The following CFAP46 variants were observed in gnomAD, a reference collection of about 807,000 sequenced individuals.
CFAP46 encodes the protein cilia and flagella associated protein 46.
A neutral mutation model predicts 325.7 loss-of-function variants in CFAP46; 245 were observed. The ratio of observed to expected loss-of-function variants is 0.75; its 90% confidence interval spans 0.68 to 0.84. The LOEUF (loss-of-function observed/expected upper bound fraction) is 0.84, where lower values mean the gene tolerates loss of function less well. Ranked by LOEUF, CFAP46 falls within the 40% of genes least tolerant of loss-of-function variation. The probability of loss-of-function intolerance (pLI) is 0.00; values close to 1 mark genes in which losing one functional copy is unlikely to be tolerated. For missense variants in CFAP46, 3,346 were observed against 3,543.0 expected (o/e 0.94, Z 1.41); for synonymous variants, 1,523 against 1,495.9 (o/e 1.02, Z -0.42).
intron 50 of CFAP46, among the ~76,000 whole-genome samples, chr10:132,824,329 GT>G (rs1847981696): frequency 7.4e-6 from 1 of 135,706 alleles, no homozygotes; most frequent in African/African-American, 2.8e-5. Flanking sequence ...GATGTGTGCT[GT>G]GTGTGTGCTG....
chr10:132,885,081 AC>A (rs1438362845), intron 27 of CFAP46, 21 bp downstream of exon 27: 2 of 1,532,244 alleles, frequency 1.3e-6, no homozygotes, highest in Admixed American at 4.0e-5. Context: ...TACCACGTGC[AC>A]CCACGCTTAC....
At chr10:132,879,251 C>T (rs976703047) in intron 29 of CFAP46, among the ~76,000 whole-genome samples, 175 bp downstream of exon 29, 39 of 152,162 alleles carry the variant, frequency 2.6e-4, no homozygotes, top group Admixed American at 2.5e-3. Flanking sequence ...CTGATGGGAA[C>T]CATTCAGGAG....
intron 17 of CFAP46, among the ~76,000 whole-genome samples, chr10:132,913,585 G>A (rs535846410): frequency 1.3e-5 from 2 of 152,130 alleles, no homozygotes; most frequent in African/African-American, 4.8e-5. Flanking sequence ...GTTTCATCCC[G>A]CGACCAGCCT....
intron 37 of CFAP46, 21 bp from the exon 38 acceptor site, chr10:132,859,268 G>A (rs1224461428): frequency 2.6e-6 from 4 of 1,539,966 alleles, no homozygotes; most frequent in Non-Finnish European, 3.5e-6. Context: ...GACGGTTTGG[G>A]GCCTGGAGTC....
Position 132,942,554 on chromosome 10 carries a change from GTT to G in CFAP46, c.-72_-71del, listed in dbSNP as rs1484093176. On this transcript the variant is annotated 5_prime_UTR_variant, in exon 1 of 58. Transcript: ENST00000368586. Reference sequence around the variant, plus strand: ...CGTCCTGCCGCCCACTGTCGGTTGGGTTCTCCAGCCGCGAGGACCCGGCCACG... The same window carrying G: ...CGTCCTGCCGCCCACTGTCGGTTGGGCTCCAGCCGCGAGGACCCGGCCACG... 1.7e-6 allele frequency: 2 copies of G among 1,210,498 alleles called. No homozygotes were observed. Among genetic ancestry groups the G allele is most frequent in the Non-Finnish European group, 2.1e-6 (2 of 963,760 alleles). 75.0% of individuals were successfully genotyped at this position (1,210,498 alleles called of 1,614,324 possible).
chr10:132,876,412 A>G lies in CFAP46; in HGVS notation c.4362+400T>C, dbSNP rs1210333339. On this transcript the variant is annotated intron_variant, in intron 31 of 57. Transcript: ENST00000368586. The surrounding 1 kb of genome is among the most constrained non-coding windows in gnomAD (Gnocchi z 4.1). Reference sequence around the variant, plus strand: ...CAGAGGCTGACCGGGATGAGGAAAGAGGGATCTTCCCCGGCCCCTTTGGAG... The same window carrying G: ...CAGAGGCTGACCGGGATGAGGAAAGGGGGATCTTCCCCGGCCCCTTTGGAG... 6.6e-6 allele frequency among the ~76,000 whole-genome samples: 1 copy of G among 152,196 alleles called. No individual in the cohort carries two copies. Among genetic ancestry groups the G allele is most frequent in the East Asian group, 1.9e-4 (1 of 5,194 alleles).
intron 50 of CFAP46, among the ~76,000 whole-genome samples, chr10:132,823,823 G>T (rs1403432610): frequency 7.0e-6 from 1 of 141,938 alleles, no homozygotes; most frequent in African/African-American, 2.6e-5. Context: ...CTGTGTGAGT[G>T]CTGATGTGTG....
intron 32 of CFAP46, among the ~76,000 whole-genome samples, chr10:132,870,182 C>T (rs545194091): frequency 2.6e-5 from 4 of 152,246 alleles, no homozygotes; most frequent in Admixed American, 6.5e-5. Flanking sequence ...CCATATGAGA[C>T]GGTGAACTGA....
In CFAP46 at chr10:132,856,929, G is replaced by A. The variant is rs140765569; in HGVS notation, c.5574+661C>T. Among the ~76,000 whole-genome samples, 27 of 152,288 alleles carry A rather than the reference G, an allele frequency of 1.8e-4. No individual in the cohort carries two copies. The East Asian group carries it at 5.2e-3, about 29-fold the overall frequency. On this transcript the variant is annotated intron_variant, in intron 39 of 57. Coordinates refer to ENST00000368586, the MANE Select transcript of CFAP46 (RefSeq NM_001200049.3). ...TTCCGGGACAGTTATCTTCTCAAAG[G>A]AAATAGCTGGGTCCTTTCAGGTCTG...
chr10:132,910,916 T>C (rs190094492), intron 19 of CFAP46, among the ~76,000 whole-genome samples: 7 of 152,342 alleles, frequency 4.6e-5, no homozygotes, highest in African/African-American at 1.7e-4. Flanking sequence ...GTTGTGCACA[T>C]GCCCAGTCCA....
rs1849223484 is a variant in CFAP46, at chr10:132,889,329, G to C, written c.3304+3004C>G. On this transcript the variant is annotated intron_variant, in intron 25 of 57. Transcript: ENST00000368586. This position sits in a 1 kb window ranked among gnomAD's most constrained non-coding sequence, Gnocchi z 6.0. ...GCCGACCGGCTGGGTCTAGGGAGCA[G>C]AGGTGCCCATGGCTGGAAGGAAGGC... 6.6e-6 allele frequency among the ~76,000 whole-genome samples: 1 copy of C among 152,220 alleles called. No homozygotes were observed. The highest frequency in any genetic ancestry group is 1.9e-4 in the East Asian group (1 of 5,182).
chr10:132,867,952 C>T (rs1057338696), intron 33 of CFAP46, among the ~76,000 whole-genome samples: 2 of 152,216 alleles, frequency 1.3e-5, no homozygotes, highest in African/African-American at 4.8e-5. Context: ...GGCCACGGCC[C>T]CCGGCTGTCC....
At position 132,929,796 on chromosome 10, in the gene CFAP46, A is replaced by G. The variant is rs747809421; in HGVS notation, c.875T>C (p.Leu292Ser). The G allele has an allele frequency of 6.2e-7, 1 of 1,607,968 alleles. No homozygotes were observed. The highest frequency in any genetic ancestry group is 2.2e-5 in the East Asian group (1 of 44,724). The part of the protein sequence containing the change: ...FPSISEEKML[L>S]LFELARFSLT... ...GGAAAAACGCGCCAATTCAAAAAGCAAAAGCATTCTGCAAACAAACAAACC... is the reference window on the plus strand; with the variant it reads ...GGAAAAACGCGCCAATTCAAAAAGCGAAAGCATTCTGCAAACAAACAAACC... The change falls in exon 9 of 58, where the codon TTG becomes TCG. Residue 292 changes from leucine to serine, a missense_variant. By Grantham distance (145) the Leu-to-Ser change is moderately radical. Coordinates refer to ENST00000368586, the MANE Select transcript of CFAP46 (RefSeq NM_001200049.3).
chr10:132,817,901 C>A lies in CFAP46; in HGVS notation c.7118-2987G>T, dbSNP rs936607591. ...CGGCCGCGCTCTGCCTGGAGGCTCC[C>A]GGGGAGAATCCTCTCCTGGCTCCTG... On this transcript the variant is annotated intron_variant, in intron 50 of 57. Transcript: ENST00000368586. The surrounding 1 kb of genome is among the most constrained non-coding windows in gnomAD (Gnocchi z 4.4). Among the ~76,000 whole-genome samples, 1 of 152,236 alleles carries A rather than the reference C, an allele frequency of 6.6e-6. No homozygotes were observed. The highest frequency in any genetic ancestry group is 1.9e-4 in the East Asian group (1 of 5,196).
chr10:132,903,997 T>C (rs1420943887), intron 22 of CFAP46, among the ~76,000 whole-genome samples: 1 of 152,260 alleles, frequency 6.6e-6, no homozygotes, highest in East Asian at 1.9e-4. Flanking sequence ...TATGAACTCA[T>C]TCGTAACTGC....
chr10:132,941,448 T>C (rs935116295), intron 3 of CFAP46, 143 bp downstream of exon 3: 9 of 1,133,158 alleles, frequency 7.9e-6, no homozygotes, highest in Non-Finnish European at 1.1e-5. Flanking sequence ...CAGGAAATGG[T>C]GCAAGTTTCG....
Position 132,919,243 on chromosome 10 carries a change from AC to A in CFAP46, c.1858+71del. ...GGCCCCATGGGTTGTCATTGCACGAACCACAACCCTTCCCACACCCAGAGGG... is the reference window on the plus strand; with the variant it reads ...GGCCCCATGGGTTGTCATTGCACGAACACAACCCTTCCCACACCCAGAGGG... On this transcript the variant is annotated intron_variant, in intron 15 of 57. Coordinates refer to ENST00000368586, the MANE Select transcript of CFAP46 (RefSeq NM_001200049.3). The surrounding 1 kb of genome is among the most constrained non-coding windows in gnomAD (Gnocchi z 9.7). 6.7e-7 allele frequency: 1 copy of A among 1,483,318 alleles called. No individual in the cohort carries two copies. Among genetic ancestry groups the A allele is most frequent in the Non-Finnish European group, 9.0e-7 (1 of 1,110,346 alleles). 91.9% of individuals were successfully genotyped at this position (1,483,318 alleles called of 1,614,324 possible).
At position 132,937,673 on chromosome 10, in the gene CFAP46, T is replaced by C; in HGVS notation, c.539A>G (p.Glu180Gly). The part of the protein sequence containing the change: ...DKEWRAELML[E>G]LLECYLQAGR... Reference sequence around the variant, plus strand: ...GGCTTGCAGATAACACTCCAGAAGTTCCCTGGATAATAGAAACACACCACT... The same window carrying C: ...GGCTTGCAGATAACACTCCAGAAGTCCCCTGGATAATAGAAACACACCACT... Residue 180 changes from glutamate to glycine, a missense_variant and splice_region_variant, in exon 6 of 58, where the codon GAA (glutamate) becomes GGA (glycine). Transcript: ENST00000368586. 1 of 1,603,308 alleles carries C rather than the reference T, an allele frequency of 6.2e-7. No homozygotes were observed. The highest frequency in any genetic ancestry group is 8.5e-7 in the Non-Finnish European group (1 of 1,174,592).
intron 19 of CFAP46, among the ~76,000 whole-genome samples, chr10:132,910,607 C>A (rs1044543496): frequency 6.6e-6 from 1 of 152,200 alleles, no homozygotes; most frequent in Non-Finnish European, 1.5e-5. Flanking sequence ...GTCTATGGGT[C>A]GTCGTGAGGA....
Sources: gnomAD v4.1 joint callset for allele counts (sites outside exome capture counted in the v4.1 genomes callset) on GRCh38, gnomAD v4.1.1 for gene constraint, Gnocchi (gnomAD v3.1) non-coding constraint, MANE v1.5 for transcripts, NCBI Gene and HGNC (gene_info 2026-07-23, HGNC 2026-07-21) for gene names.